Variants in MYO16 observed in about 807,000 individuals in gnomAD.
MYO16 encodes unconventional myosin-XVI.
In MYO16, 94 loss-of-function variants were observed where a neutral mutation model predicts 205.3. The ratio of observed to expected loss-of-function variants is 0.46; its 90% CI spans 0.39 to 0.54. MYO16 has a LOEUF of 0.54. Among genes scored for constraint, MYO16 ranks in the 20% least tolerant of loss-of-function variants. The pLI is 0.00. For synonymous variants in MYO16, 988 were observed against 954.0 expected, an observed-to-expected ratio of 1.04 and a Z score of -0.66; for missense variants, 2,315 against 2,387.5, an observed-to-expected ratio of 0.97 and a Z score of 0.63.
At chr13:109,168,287 AT>A (rs532559483) in intron 33 of MYO16, among the ~76,000 whole-genome samples, 2 of 152,330 alleles carry the variant, frequency 1.3e-5, no homozygotes, top group South Asian at 4.1e-4. Context: ...GATTAGCAGA[AT>A]ATTTTAAAAA....
chr13:108,837,141 GT>G (rs1876970904), intron 9 of MYO16, among the ~76,000 whole-genome samples: 1 of 152,136 alleles, frequency 6.6e-6, no homozygotes, highest in Non-Finnish European at 1.5e-5. Context: ...GATCAGGGTG[GT>G]TTCCCCCATG....
chr13:109,009,908 T>A (rs896142254), intron 22 of MYO16, among the ~76,000 whole-genome samples: 3 of 152,176 alleles, frequency 2.0e-5, no homozygotes, highest in Admixed American at 6.6e-5. Context: ...TTATTTAAGG[T>A]TTAAAAATGT....
chr13:108,790,625 C>T (rs1249814974), intron 5 of MYO16, among the ~76,000 whole-genome samples: 2 of 152,052 alleles, frequency 1.3e-5, no homozygotes, highest in Admixed American at 6.6e-5. Context: ...TGTTTGACAA[C>T]GAAGAGAGGG....
intron 1 of MYO16, among the ~76,000 whole-genome samples, chr13:108,620,943 C>T (rs1448642563): frequency 6.6e-6 from 1 of 152,168 alleles, no homozygotes; most frequent in Non-Finnish European, 1.5e-5. Flanking sequence ...CGCAGCCTGG[C>T]CTCTACTTAC....
chr13:109,150,384 G>A (rs890236678), intron 32 of MYO16, among the ~76,000 whole-genome samples: 1 of 152,108 alleles, frequency 6.6e-6, no homozygotes, highest in Non-Finnish European at 1.5e-5. Context: ...TGACTATGCT[G>A]TTCCCGCTAG....
At position 108,802,697 on chromosome 13, in the gene MYO16, C is replaced by T. The variant is rs538520351; in HGVS notation, c.742-3982C>T. ...TGCTAACTTACATTTCTACCAGTAA[C>T]ATACAGATATTCCCCTTTCTCTGTG... On this transcript the variant is annotated intron_variant, in intron 6 of 34. Transcript: ENST00000457511. Among the ~76,000 whole-genome samples the T allele has an allele frequency of 2.0e-5, 3 of 152,286 alleles. No individual in the cohort carries two copies. In the South Asian group the frequency reaches 6.2e-4, roughly 32 times the overall value.
chr13:109,080,759 A>T (rs915758474), intron 27 of MYO16, among the ~76,000 whole-genome samples: 44 of 152,144 alleles, frequency 2.9e-4, no homozygotes, highest in African/African-American at 1.0e-3. Flanking sequence ...ATAAATAATG[A>T]GCATAGAGGG....
chr13:108,745,618 A>G (rs1885035645), intron 4 of MYO16, among the ~76,000 whole-genome samples: 1 of 152,138 alleles, frequency 6.6e-6, no homozygotes, highest in Non-Finnish European at 1.5e-5. Context: ...AGTTACTAAT[A>G]CCTAATATCT....
chr13:108,777,151 C>G (rs1418622614), intron 4 of MYO16, among the ~76,000 whole-genome samples: 2 of 151,960 alleles, frequency 1.3e-5, no homozygotes, highest in Non-Finnish European at 2.9e-5. Flanking sequence ...AGAATTTGCC[C>G]TAGGCCGTAA....
At chr13:108,595,881 CTTT>C (rs67620613), upstream of MYO16, among the ~76,000 whole-genome samples, 4 of 108,298 alleles carry the variant, frequency 3.7e-5, no homozygotes, top group Admixed American at 1.1e-4. Context: ...AAATTAAGTC[CTTT>C]TTTTTTTTTT....
upstream of MYO16, among the ~76,000 whole-genome samples, chr13:108,595,020 AG>A (rs1241527439): frequency 1.3e-5 from 2 of 152,190 alleles, no homozygotes; most frequent in Non-Finnish European, 2.9e-5. Flanking sequence ...ACAGATCAAA[AG>A]CGAATTTATT....
chr13:108,560,969 C>A, the MYO16 span, among the ~76,000 whole-genome samples: 1 of 152,164 alleles, frequency 6.6e-6, no homozygotes, highest in South Asian at 2.1e-4. Context: ...AAGTCTTGAA[C>A]TTGGTCACCA....
intron 4 of MYO16, among the ~76,000 whole-genome samples, chr13:108,735,781 T>C (rs1032595832): frequency 1.2e-4 from 18 of 151,696 alleles, no homozygotes; most frequent in African/African-American, 3.9e-4. Flanking sequence ...TGTTCCTATT[T>C]CTCCACATCC....
intron 1 of MYO16, among the ~76,000 whole-genome samples, chr13:108,650,955 C>T (rs1880975218): frequency 6.6e-6 from 1 of 152,174 alleles, no homozygotes; most frequent in Admixed American, 6.5e-5. Flanking sequence ...TGGGATGTGC[C>T]AGACCCTTGG....
chr13:108,807,392 C>T (rs995561048), intron 7 of MYO16, among the ~76,000 whole-genome samples: 4 of 151,714 alleles, frequency 2.6e-5, no homozygotes, highest in South Asian at 2.1e-4. Context: ...AATCATATTG[C>T]GTGGGGAAGT....
the MYO16 span, among the ~76,000 whole-genome samples, chr13:108,505,771 G>GT: frequency 6.8e-4 from 103 of 151,922 alleles, no homozygotes; most frequent in Admixed American, 8.5e-4. Flanking sequence ...TTCATCATAT[G>GT]TTTTTTTCTA....
the MYO16 span, among the ~76,000 whole-genome samples, chr13:108,507,425 A>C: frequency 1.3e-5 from 2 of 152,150 alleles, no homozygotes; most frequent in South Asian, 4.1e-4. Flanking sequence ...TTTTAAAGAA[A>C]AACTTTGAAT....
At chr13:108,632,326 A>G (rs890352183) in intron 1 of MYO16, among the ~76,000 whole-genome samples, 4 of 152,024 alleles carry the variant, frequency 2.6e-5, no homozygotes, top group Non-Finnish European at 5.9e-5. Context: ...TCACCATAGC[A>G]CGTTCACTTT....
chr13:108,496,032 C>A, the MYO16 span, among the ~76,000 whole-genome samples: 11 of 152,222 alleles, frequency 7.2e-5, no homozygotes, highest in Admixed American at 2.0e-4. Flanking sequence ...TCTGCACCGC[C>A]GGGCTGGGGA....
Sources: allele counts gnomAD v4.1 joint callset (sites outside exome capture counted in the v4.1 genomes callset), GRCh38; gene constraint gnomAD v4.1.1; transcripts MANE v1.5; gene names NCBI Gene and HGNC (gene_info 2026-07-23, HGNC 2026-07-21).